PACRG: variants seen among roughly 807,000 people sequenced by gnomAD.
PACRG encodes parkin coregulated gene protein.
Under a neutral mutation model 29.7 loss-of-function variants are expected in PACRG, and 29 were observed. The observed-to-expected ratio is 0.98, with a 90% CI of 0.73 to 1.33. The LOEUF (loss-of-function observed/expected upper bound fraction) is 1.33. Ranked by LOEUF, PACRG falls within the 40% of genes most tolerant of loss-of-function variation. PACRG has a pLI of 0.00. For missense variants in PACRG, 279 were observed against 316.2 expected (o/e 0.88, Z 0.89); for synonymous variants, 116 against 118.7 (o/e 0.98, Z 0.15).
chr6:162,974,623 C>A (rs1333395917), intron 2 of PACRG, among the ~76,000 whole-genome samples: 1 of 152,100 alleles, frequency 6.6e-6, no homozygotes, highest in Non-Finnish European at 1.5e-5. Flanking sequence ...GAATTTTCTG[C>A]CTTTTTCCTG....
chr6:163,127,381 G>A (rs1816560356), intron 4 of PACRG, among the ~76,000 whole-genome samples: 1 of 152,146 alleles, frequency 6.6e-6, no homozygotes, highest in Non-Finnish European at 1.5e-5. Context: ...GCTTTTAATG[G>A]GTATTTTGTC....
intron 2 of PACRG, among the ~76,000 whole-genome samples, chr6:163,025,264 C>T (rs1807016045): frequency 6.6e-6 from 1 of 152,128 alleles, no homozygotes; most frequent in African/African-American, 2.4e-5. Context: ...GAATTAAAAG[C>T]CATCCAAATA....
At chr6:163,072,434 A>C (rs1034009487) in intron 3 of PACRG, among the ~76,000 whole-genome samples, 1 of 151,984 alleles carries the variant, frequency 6.6e-6, no homozygotes, top group Non-Finnish European at 1.5e-5. Context: ...CCCTCAAAAA[A>C]CTGACTATCA....
At chr6:163,257,897 G>A (rs192815727) in intron 4 of PACRG, among the ~76,000 whole-genome samples, 1 of 152,032 alleles carries the variant, frequency 6.6e-6, no homozygotes, top group Non-Finnish European at 1.5e-5. Context: ...ATTAATTTTG[G>A]TATGCTTATT....
At chr6:162,727,336 A>AGGTGAGGGGCGGCGGCGGGGC, upstream of PACRG, 2 of 274,934 alleles carry the variant, frequency 7.3e-6, no homozygotes, top group Non-Finnish European at 6.5e-6. Context: ...GGCGGCGGGG[A>AGGTGAGGGGCGGCGGCGGGGC]GAAGGCTTCG....
At chr6:162,953,207 G>A (rs556275392) in intron 2 of PACRG, among the ~76,000 whole-genome samples, 2 of 152,092 alleles carry the variant, frequency 1.3e-5, no homozygotes, top group East Asian at 3.9e-4. Flanking sequence ...TGACTTTTAG[G>A]CTCTGTAGTC....
intron 4 of PACRG, among the ~76,000 whole-genome samples, chr6:163,302,988 A>G (rs1362998339): frequency 1.3e-5 from 2 of 152,308 alleles, no homozygotes; most frequent in East Asian, 1.9e-4. Flanking sequence ...TCATCATTTT[A>G]GAAATGCGTT....
chr6:162,756,744 C>T (rs750886191), intron 1 of PACRG, among the ~76,000 whole-genome samples: 1 of 151,810 alleles, frequency 6.6e-6, no homozygotes, highest in African/African-American at 2.4e-5. Flanking sequence ...TGCTATCTTT[C>T]TTTGTGGTTT....
At chr6:162,891,201 G>T (rs1297840641) in intron 2 of PACRG, among the ~76,000 whole-genome samples, 3 of 152,178 alleles carry the variant, frequency 2.0e-5, no homozygotes, top group Non-Finnish European at 4.4e-5. Flanking sequence ...ACTTTACATG[G>T]AAAGTTAGCA....
intron 3 of PACRG, 53 bp from the exon 4 acceptor site, chr6:163,089,206 C>T: frequency 6.4e-7 from 1 of 1,570,144 alleles, no homozygotes; most frequent in African/African-American, 1.4e-5. Context: ...ACCTTGTAGA[C>T]CTGATGCTTT....
At chr6:162,978,451 C>T (rs1038573259) in intron 2 of PACRG, among the ~76,000 whole-genome samples, 4 of 148,458 alleles carry the variant, frequency 2.7e-5, no homozygotes, top group Non-Finnish European at 5.9e-5. Context: ...CTATCTCTGT[C>T]TGCCTGTCTG....
intron 2 of PACRG, among the ~76,000 whole-genome samples, chr6:162,958,328 T>G (rs1233943139): frequency 6.6e-6 from 1 of 152,210 alleles, no homozygotes; most frequent in African/African-American, 2.4e-5. Flanking sequence ...AACCCATTTT[T>G]AAAATAGCTC....
intron 2 of PACRG, among the ~76,000 whole-genome samples, chr6:162,973,801 G>C (rs996491445): frequency 2.0e-5 from 3 of 152,128 alleles, no homozygotes; most frequent in African/African-American, 7.2e-5. Flanking sequence ...CGCTATTACA[G>C]AGATAGATCT....
Position 163,217,510 on chromosome 6 carries a change from G to A in PACRG, c.614-97317G>A, listed in dbSNP as rs567753654. Among the ~76,000 whole-genome samples, 14 of 152,328 alleles carry A rather than the reference G, an allele frequency of 9.2e-5. No homozygotes were observed. The East Asian group carries it at 1.4e-3, about 15-fold the overall frequency. On this transcript the variant is annotated intron_variant, in intron 4 of 4. Transcript: ENST00000366888. ...AGGCAACAATCTTTCTACATACCCCGAGGGTAGGGGTTCCCGGGGTAGGGG... is the reference window on the plus strand; with the variant it reads ...AGGCAACAATCTTTCTACATACCCCAAGGGTAGGGGTTCCCGGGGTAGGGG...
intron 4 of PACRG, among the ~76,000 whole-genome samples, chr6:163,312,038 G>A (rs1343641465): frequency 6.6e-6 from 1 of 152,228 alleles, no homozygotes; most frequent in South Asian, 2.1e-4. Flanking sequence ...ATGTATCTTT[G>A]TCCATAAGGA....
At chr6:163,263,219 A>ACCCTT (rs201068885) in intron 4 of PACRG, among the ~76,000 whole-genome samples, 2,093 of 151,202 alleles carry the variant, frequency 0.014, 42 homozygotes, top group African/African-American at 0.049. Context: ...GGGGCTGAGA[A>ACCCTT]CCCTTCCCTT....
intron 3 of PACRG, among the ~76,000 whole-genome samples, chr6:163,079,975 G>A (rs2128290072): frequency 7.4e-6 from 1 of 134,400 alleles, no homozygotes; most frequent in South Asian, 2.4e-4. Context: ...TCGGCTCACT[G>A]CAACCTCTGC....
rs1562349425 is a variant in PACRG at position 163,269,851 on chromosome 6, A to AAGAAAGAAAG, written c.614-44969_614-44968insAAGAGAAAGA. On this transcript the variant is annotated intron_variant, in intron 4 of 4. Coordinates refer to ENST00000366888, the MANE Select transcript of PACRG (RefSeq NM_001080379.2). ...AGAAAGAAAGAAAAAGAAAGAAAGAAAGAAAGAGAAAGAAAGAGAAAGAAA... is the reference window on the plus strand; with the variant it reads ...AGAAAGAAAGAAAAAGAAAGAAAGAAAGAAAGAAAGAGAAAGAGAAAGAAAGAGAAAGAAA... Among the ~76,000 whole-genome samples the AAGAAAGAAAG allele has an allele frequency of 3.1e-5, 2 of 65,514 alleles. 1 individual carries two copies. The highest frequency in any genetic ancestry group is 1.4e-4 in the African/African-American group (2 of 14,432). 43.0% of individuals were successfully genotyped at this position (65,514 alleles called of 152,430 possible).
chr6:162,809,882 G>A (rs1396711223), intron 1 of PACRG, among the ~76,000 whole-genome samples: 1 of 152,154 alleles, frequency 6.6e-6, no homozygotes, highest in African/African-American at 2.4e-5. Flanking sequence ...CTCTTCACTA[G>A]AATAGTAAAG....
Sources: gnomAD v4.1 joint callset for allele counts (sites outside exome capture counted in the v4.1 genomes callset) on GRCh38, gnomAD v4.1.1 for gene constraint, MANE v1.5 for transcripts, NCBI Gene and HGNC (gene_info 2026-07-23, HGNC 2026-07-21) for gene names.